The following EBF1 variants were observed in gnomAD, a reference collection of about 807,000 sequenced individuals.
EBF1 encodes transcription factor COE1.
EBF1 carries 10 observed loss-of-function variants against 68.4 expected under a neutral mutation model. The ratio of observed to expected loss-of-function variants is 0.15; its 90% CI spans 0.09 to 0.25. EBF1 has a LOEUF of 0.25. EBF1 is among the 10% of genes least tolerant of loss of function. EBF1 has a pLI of 1.00. For synonymous variants in EBF1, 298 were observed against 299.8 expected (o/e 0.99, Z 0.06); for missense variants, 509 against 794.4 (o/e 0.64, Z 4.32).
intron 15 of EBF1, among the ~76,000 whole-genome samples, chr5:158,704,989 AT>A (rs1413712739): frequency 6.6e-6 from 1 of 152,102 alleles, no homozygotes. Flanking sequence ...ACCAAAAACC[AT>A]TTTCTTTCTT....
chr5:158,950,860 G>C (rs1008136948), intron 6 of EBF1, among the ~76,000 whole-genome samples: 1 of 152,270 alleles, frequency 6.6e-6, no homozygotes, highest in Non-Finnish European at 1.5e-5. Context: ...AGGCAGGTGA[G>C]GTATTCAAAT....
chr5:158,713,634 C>A (rs773624849), intron 12 of EBF1, among the ~76,000 whole-genome samples: 1 of 152,166 alleles, frequency 6.6e-6, no homozygotes, highest in African/African-American at 2.4e-5. Context: ...CTGTGTCCCC[C>A]AGACATTGAC....
At chr5:158,932,352 G>C (rs1292057372) in intron 6 of EBF1, among the ~76,000 whole-genome samples, 1 of 152,002 alleles carries the variant, frequency 6.6e-6, no homozygotes, top group African/African-American at 2.4e-5. Context: ...AATAAAAATA[G>C]CAACAAGGAG....
At chr5:158,992,561 AAAGGGGCATTGTCAAACC>A (rs1760550284) in intron 6 of EBF1, among the ~76,000 whole-genome samples, 1 of 152,198 alleles carries the variant, frequency 6.6e-6, no homozygotes, top group Non-Finnish European at 1.5e-5. Flanking sequence ...ACTGCCAGGA[AAAGGGGCATTGTCAAACC>A]AATTAAAGTT....
chr5:158,764,671 CAA>C (rs1383483498), intron 10 of EBF1, among the ~76,000 whole-genome samples: 1 of 152,116 alleles, frequency 6.6e-6, no homozygotes, highest in African/African-American at 2.4e-5. Flanking sequence ...TACATGTACT[CAA>C]AGTGTCAATG....
intron 9 of EBF1, among the ~76,000 whole-genome samples, chr5:158,789,877 A>G (rs1432816293): frequency 6.6e-6 from 1 of 152,178 alleles, no homozygotes; most frequent in African/African-American, 2.4e-5. Context: ...CATTCCTCTG[A>G]GCTATGTGTA....
chr5:159,022,192 T>C (rs1239613986), intron 6 of EBF1, among the ~76,000 whole-genome samples: 1 of 151,998 alleles, frequency 6.6e-6, no homozygotes, highest in African/African-American at 2.4e-5. Context: ...TTAGCAGCCA[T>C]CTCTTCAAAG....
intron 15 of EBF1, among the ~76,000 whole-genome samples, chr5:158,704,951 G>A (rs1757545690): frequency 6.6e-6 from 1 of 152,184 alleles, no homozygotes. Context: ...CAAAAGTAGG[G>A]ATATTTGGTA....
At chr5:159,058,182 G>C (rs2127850926) in intron 6 of EBF1, among the ~76,000 whole-genome samples, 1 of 152,322 alleles carries the variant, frequency 6.6e-6, no homozygotes, top group East Asian at 1.9e-4. Flanking sequence ...ACCTCAAGGA[G>C]GCTTTTCTAT....
chr5:158,980,342 C>G (rs1357108666), intron 6 of EBF1, among the ~76,000 whole-genome samples: 2 of 152,122 alleles, frequency 1.3e-5, no homozygotes, highest in Non-Finnish European at 1.5e-5. Flanking sequence ...CGATTTCTTC[C>G]TAATAACTGC....
chr5:159,055,585 G>C (rs897447188), intron 6 of EBF1, among the ~76,000 whole-genome samples: 1 of 152,054 alleles, frequency 6.6e-6, no homozygotes, highest in African/African-American at 2.4e-5. Context: ...CACAAATTTG[G>C]GTTCATATTA....
chr5:158,853,598 G>A (rs2128004909), intron 6 of EBF1, among the ~76,000 whole-genome samples: 1 of 152,260 alleles, frequency 6.6e-6, no homozygotes, highest in South Asian at 2.1e-4. Context: ...ATCATACAAT[G>A]CCCTCCAAGA....
chr5:158,840,645 GTTTTTTTTTTTTTTTT>G (rs534374216), intron 6 of EBF1, among the ~76,000 whole-genome samples: 3 of 64,778 alleles, frequency 4.6e-5, no homozygotes, highest in Non-Finnish European at 8.4e-5. Flanking sequence ...AATACCTCCT[GTTTTTTTTTTTTTTTT>G]TTTTTTTTTT....
intron 7 of EBF1, among the ~76,000 whole-genome samples, chr5:158,833,473 C>A (rs1220247351): frequency 6.6e-6 from 1 of 152,096 alleles, no homozygotes; most frequent in African/African-American, 2.4e-5. Context: ...TACATACATC[C>A]ATTTTCTTGT....
At chr5:158,699,213 C>T in intron 15 of EBF1, 71 bp from the exon 16 acceptor site, 1 of 1,340,380 alleles carries the variant, frequency 7.5e-7, no homozygotes, top group Non-Finnish European at 1.0e-6. Flanking sequence ...ATAATGAAGA[C>T]TAAAAAAAAA....
intron 7 of EBF1, among the ~76,000 whole-genome samples, chr5:158,836,653 A>G (rs1302058432): frequency 6.6e-6 from 1 of 152,204 alleles, no homozygotes; most frequent in South Asian, 2.1e-4. Context: ...ATGAAACCCA[A>G]TGTTGGTTGT....
At chr5:158,857,525 A>G (rs1490945399) in intron 6 of EBF1, among the ~76,000 whole-genome samples, 1 of 152,070 alleles carries the variant, frequency 6.6e-6, no homozygotes, top group African/African-American at 2.4e-5. Flanking sequence ...TAATCATTGG[A>G]CTAGAATCCT....
At chr5:158,832,727 C>T (rs1405414925) in intron 7 of EBF1, among the ~76,000 whole-genome samples, 1 of 152,090 alleles carries the variant, frequency 6.6e-6, no homozygotes, top group East Asian at 1.9e-4. Context: ...CTAATCATTC[C>T]CTAAAACATA....
At chr5:158,984,769 C>CACTTAGAA (rs1758683229) in intron 6 of EBF1, 1 of 150,326 alleles carries the variant, frequency 6.7e-6, no homozygotes, top group Non-Finnish European at 1.5e-5. Flanking sequence ...TCACTGCAGC[C>CACTTAGAA]TCTGCCTCCT....
Sources: gnomAD v4.1 joint callset for allele counts (sites outside exome capture counted in the v4.1 genomes callset) on GRCh38, gnomAD v4.1.1 for gene constraint, MANE v1.5 for transcripts, NCBI Gene and HGNC (gene_info 2026-07-23, HGNC 2026-07-21) for gene names.